The following PIWIL4 variants were observed in gnomAD, a reference collection of about 807,000 sequenced individuals.
The protein encoded by PIWIL4 is piwi-like protein 4.
In PIWIL4, 50 loss-of-function variants were observed where a neutral mutation model predicts 100.9. The observed-to-expected ratio is 0.50, with a 90% CI of 0.39 to 0.63. The LOEUF is 0.63. Among genes scored for constraint, PIWIL4 ranks in the 20% least tolerant of loss-of-function variants. The pLI, the probability that PIWIL4 is intolerant of heterozygous loss-of-function variation, is 0.00. For synonymous variants in PIWIL4, 342 were observed against 367.5 expected (o/e 0.93, Z 0.79); for missense variants, 887 against 1,043.3 (o/e 0.85, Z 2.06).
Position 94,567,369 on chromosome 11 carries a change from C to A in PIWIL4, c.-150C>A. The A allele has an allele frequency of 1.5e-6, 1 of 676,090 alleles. No individual in the cohort carries two copies. Among genetic ancestry groups the A allele is most frequent in the Non-Finnish European group, 2.3e-6 (1 of 430,690 alleles). 41.9% of individuals were successfully genotyped at this position (676,090 alleles called of 1,614,324 possible). On this transcript the variant is annotated 5_prime_UTR_variant, in exon 1 of 20. Transcript: ENST00000299001. The stretch of plus-strand genomic sequence containing the variant: ...TCCACCCACGCACGGGCCTCGGACG[C>A]ATTTCCAGCCCCGGCGTTGGTTGTG...
At chr11:94,587,017 C>G in intron 6 of PIWIL4, 33 bp from the exon 7 acceptor site, 1 of 1,512,090 alleles carries the variant, frequency 6.6e-7, no homozygotes, top group Non-Finnish European at 9.1e-7. Context: ...ATAACATTGA[C>G]AATATTCCTT....
chr11:94,597,944 A>G lies in PIWIL4; in HGVS notation c.1380+29A>G, dbSNP rs202113774. On this transcript the variant is annotated intron_variant, in intron 11 of 19. Transcript: ENST00000299001. ...AGTGCTGTGATTTTATTTTCATTTA[A>G]AAGTATTTACTTGAATATGTGTAAG... The G allele has an allele frequency of 4.0e-5, 61 of 1,537,962 alleles. No individual in the cohort carries two copies. In the African/African-American group the frequency reaches 7.0e-4, roughly 18 times the overall value.
intron 7 of PIWIL4, 43 bp downstream of exon 7, chr11:94,587,290 C>T (rs940912951): frequency 6.4e-7 from 1 of 1,552,832 alleles, no homozygotes; most frequent in Non-Finnish European, 8.9e-7. Flanking sequence ...AGAAATCAAT[C>T]ATTGATGGTA....
chr11:94,590,651 C>G lies in PIWIL4; in HGVS notation c.1026+1419C>G, dbSNP rs570606147. ...CCATTCCTGTTTCTCCTTGGAAATTCTGTAGCTCAGATAGGAATGATTTTG... is the reference window on the plus strand; with the variant it reads ...CCATTCCTGTTTCTCCTTGGAAATTGTGTAGCTCAGATAGGAATGATTTTG... On this transcript the variant is annotated intron_variant, in intron 8 of 19. Transcript: ENST00000299001. Among the ~76,000 whole-genome samples the G allele has an allele frequency of 2.0e-5, 3 of 152,294 alleles. No homozygotes were observed. In the East Asian group the frequency reaches 5.8e-4, roughly 29 times the overall value.
rs967326040 is a variant in PIWIL4 at position 94,596,263 on chromosome 11, T to C, written c.1268+837T>C. Among the ~76,000 whole-genome samples the C allele has an allele frequency of 2.6e-5, 4 of 152,020 alleles. No individual in the cohort carries two copies. In the East Asian group the frequency reaches 5.8e-4, roughly 22 times the overall value. ...TTGATCAACAGTCTTTTTTTTTTTTTCTTAAATCTTTTTTAAAGTAGTACT... is the reference window on the plus strand; with the variant it reads ...TTGATCAACAGTCTTTTTTTTTTTTCCTTAAATCTTTTTTAAAGTAGTACT... On this transcript the variant is annotated intron_variant, in intron 10 of 19. Coordinates refer to ENST00000299001, the MANE Select transcript of PIWIL4 (RefSeq NM_152431.3).
At chr11:94,573,365 C>G (rs962413052) in intron 2 of PIWIL4, among the ~76,000 whole-genome samples, 1 of 152,156 alleles carries the variant, frequency 6.6e-6, no homozygotes, top group African/African-American at 2.4e-5. Context: ...CTGTCTTATG[C>G]CAGTTTTCAA....
intron 8 of PIWIL4, among the ~76,000 whole-genome samples, chr11:94,589,491 C>T (rs1278182465): frequency 1.3e-5 from 2 of 152,180 alleles, no homozygotes. Flanking sequence ...TAATACATTT[C>T]CATGTCTCCT....
In PIWIL4 at chr11:94,585,918, G is replaced by T. The variant is rs115423592; in HGVS notation, c.716+393G>T. On this transcript the variant is annotated intron_variant, in intron 6 of 19. Coordinates refer to ENST00000299001, the MANE Select transcript of PIWIL4 (RefSeq NM_152431.3). ...AGCCAACCAAATAACTCTGGTGAAG[G>T]ATAGAATCCTTATGAACACCTGCAG... Among the ~76,000 whole-genome samples, 1,103 of 152,246 alleles carry T rather than the reference G, an allele frequency of 7.2e-3. 16 individuals are homozygous for T. The highest frequency in any genetic ancestry group is 0.025 in the African/African-American group (1,033 of 41,524).
Position 94,619,857 on chromosome 11 carries a change from G to T in PIWIL4, c.2266G>T (p.Val756Leu), listed in dbSNP as rs781215078. 3 of 1,614,120 alleles carry T rather than the reference G, an allele frequency of 1.9e-6. No individual in the cohort carries two copies. The East Asian group carries it at 6.7e-5, about 36-fold the overall frequency. ...TVQNPPLGTV[V>L]DSEATRNEWY... is the part of the protein sequence containing the mutation. ...ACAGAACCCCCCACTTGGCACTGTT[G>T]TGGATTCAGAAGCAACACGTAACGA... The change falls in exon 18 of 20, where the codon GTG (valine) becomes TTG (leucine). Residue 756 changes from valine to leucine, a missense_variant. By Grantham distance (32) the Val-to-Leu change is conservative. Transcript: ENST00000299001.
intron 8 of PIWIL4, among the ~76,000 whole-genome samples, chr11:94,590,417 C>T (rs1948468031): frequency 6.6e-6 from 1 of 152,142 alleles, no homozygotes. Flanking sequence ...TGACGTTTTC[C>T]TCCTTCCTTC....
chr11:94,590,815 C>T (rs1948475622), intron 8 of PIWIL4, among the ~76,000 whole-genome samples: 1 of 152,186 alleles, frequency 6.6e-6, no homozygotes, highest in Non-Finnish European at 1.5e-5. Flanking sequence ...TCCCCTCCCA[C>T]TACCGTCACT....
chr11:94,569,489 C>T (rs1208911669), intron 2 of PIWIL4, among the ~76,000 whole-genome samples: 3 of 152,206 alleles, frequency 2.0e-5, no homozygotes, highest in Admixed American at 1.3e-4. Context: ...AGTGATTCTC[C>T]TGCCTCAACC....
chr11:94,604,136 C>T (rs1948685614), intron 13 of PIWIL4, 80 bp downstream of exon 13: 1 of 807,932 alleles, frequency 1.2e-6, no homozygotes, highest in Admixed American at 3.2e-5. Context: ...ACATACCCTC[C>T]CATGATATAT....
chr11:94,617,900 T>A, intron 16 of PIWIL4, 54 bp from the exon 17 acceptor site: 2 of 1,574,578 alleles, frequency 1.3e-6, no homozygotes, highest in Non-Finnish European at 1.7e-6. Flanking sequence ...GGAATGTTAT[T>A]TTTTGTTGGC....
chr11:94,583,196 T>G (rs1948349960), intron 4 of PIWIL4, among the ~76,000 whole-genome samples: 1 of 152,114 alleles, frequency 6.6e-6, no homozygotes, highest in East Asian at 1.9e-4. Context: ...GACCAAACTT[T>G]GAACCATGAG....
intron 4 of PIWIL4, 105 bp from the exon 5 acceptor site, chr11:94,583,343 T>C: frequency 7.8e-7 from 1 of 1,282,674 alleles, no homozygotes. Context: ...ACACCTGCAG[T>C]TTTGTTTTTG....
intron 15 of PIWIL4, among the ~76,000 whole-genome samples, chr11:94,614,316 T>TC (rs1381310684): frequency 1.3e-5 from 2 of 149,964 alleles, no homozygotes; most frequent in African/African-American, 4.9e-5. Context: ...TTTTTTTTTT[T>TC]TCCTTTTTGA....
At chr11:94,590,383 A>T (rs1948467580) in intron 8 of PIWIL4, among the ~76,000 whole-genome samples, 1 of 152,088 alleles carries the variant, frequency 6.6e-6, no homozygotes, top group Admixed American at 6.5e-5. Flanking sequence ...TGCTACTTTC[A>T]GGTTGTTCTA....
In PIWIL4 at chr11:94,619,883, A is replaced by T; in HGVS notation, c.2292A>T (p.Glu764Asp). The part of the protein sequence containing the change: ...TVVDSEATRN[E>D]WYDFYLISQV... ...TGGATTCAGAAGCAACACGTAACGA[A>T]TGGCAAGTGCCGCTGGAAAATCAAT... The change falls in exon 18 of 20, where the codon GAA becomes GAT. Residue 764 changes from glutamate (E) to aspartate (D), a missense_variant and splice_region_variant. This residue lies in a region of PIWIL4 where 741 missense variants were observed against 930.0 expected (regional missense o/e 0.80). Transcript: ENST00000299001. The T allele has an allele frequency of 6.2e-7, 1 of 1,614,240 alleles. No individual in the cohort carries two copies. Among genetic ancestry groups the T allele is most frequent in the Non-Finnish European group, 8.5e-7 (1 of 1,180,038 alleles).
Sources: allele counts gnomAD v4.1 joint callset (sites outside exome capture counted in the v4.1 genomes callset), GRCh38; gene constraint gnomAD v4.1.1; regional missense constraint gnomAD v4.1.1; transcripts MANE v1.5; gene names NCBI Gene and HGNC (gene_info 2026-07-23, HGNC 2026-07-21).